Variants in UNC13C observed in about 807,000 individuals in gnomAD.
The protein encoded by UNC13C is protein unc-13 homolog C.
A neutral mutation model predicts 245.4 loss-of-function variants in UNC13C; 174 were observed. The observed-to-expected ratio is 0.71, with a 90% CI of 0.63 to 0.80. The LOEUF is 0.80. Among genes scored for constraint, UNC13C ranks in the 30% least tolerant of loss-of-function variants. UNC13C has a pLI of 0.00. For synonymous variants in UNC13C, 992 were observed against 895.1 expected (o/e 1.11, Z -1.93); for missense variants, 2,829 against 2,602.9 (o/e 1.09, Z -1.89).
the UNC13C span, among the ~76,000 whole-genome samples, chr15:53,889,205 T>C: frequency 1.3e-5 from 2 of 152,222 alleles, no homozygotes; most frequent in Non-Finnish European, 2.9e-5. Context: ...TTTCCATTTG[T>C]TTGTGTCCTC....
intron 2 of UNC13C, among the ~76,000 whole-genome samples, chr15:54,104,374 T>C (rs1462959650): frequency 6.6e-6 from 1 of 152,192 alleles, no homozygotes; most frequent in Non-Finnish European, 1.5e-5. Context: ...TTGTCTATGC[T>C]AACTTAAAAA....
In UNC13C at chr15:54,393,189, CAAT is replaced by C; in HGVS notation, c.4847+9_4847+11del. The stretch of plus-strand genomic sequence containing the variant: ...CACACCTGTCCTGAATCAGTAAGTA[CAAT>C]GTTTTGGAAATGAATGGATTTTATT... On this transcript the variant is annotated intron_variant, in intron 18 of 32. Transcript: ENST00000260323. The C allele has an allele frequency of 1.9e-6, 3 of 1,539,856 alleles. No homozygotes were observed. In the South Asian group the frequency reaches 3.8e-5, roughly 20 times the overall value.
chr15:54,387,424 CT>C (rs2039862532), intron 17 of UNC13C, among the ~76,000 whole-genome samples: 1 of 152,080 alleles, frequency 6.6e-6, no homozygotes, highest in African/African-American at 2.4e-5. Flanking sequence ...TGGGAGTGTC[CT>C]TCAGCATGTT....
At chr15:54,040,241 C>T (rs1896755287) in intron 2 of UNC13C, among the ~76,000 whole-genome samples, 1 of 152,030 alleles carries the variant, frequency 6.6e-6, no homozygotes, top group Non-Finnish European at 1.5e-5. Flanking sequence ...AAAGGTGATG[C>T]CAAATTAAAA....
chr15:54,124,958 T>C (rs2030935265), intron 2 of UNC13C, among the ~76,000 whole-genome samples: 1 of 152,214 alleles, frequency 6.6e-6, no homozygotes, highest in South Asian at 2.1e-4. Context: ...AATGTGTGGG[T>C]CTTTTTCTGG....
At chr15:54,080,311 G>C (rs1001261206) in intron 2 of UNC13C, among the ~76,000 whole-genome samples, 1 of 151,864 alleles carries the variant, frequency 6.6e-6, no homozygotes, top group Non-Finnish European at 1.5e-5. Context: ...TCACATTTTG[G>C]TATCAGGATG....
upstream of UNC13C, chr15:53,975,008 T>A (rs1232722633): frequency 6.6e-6 from 1 of 152,200 alleles, no homozygotes; most frequent in East Asian, 1.9e-4. Flanking sequence ...CCACGTGGAC[T>A]TCCCCCTAGG....
chr15:53,906,835 C>T, the UNC13C span, among the ~76,000 whole-genome samples: 109 of 152,156 alleles, frequency 7.2e-4, no homozygotes, highest in African/African-American at 2.4e-3. Context: ...TGGTGGAAGG[C>T]GAAGGGGAAG....
chr15:54,286,062 G>A (rs1037689008), intron 10 of UNC13C, among the ~76,000 whole-genome samples: 7 of 151,994 alleles, frequency 4.6e-5, no homozygotes, highest in African/African-American at 1.7e-4. Context: ...TGTATTCTAA[G>A]TAGAGACAGG....
At chr15:54,487,943 C>T (rs1596467902) in intron 19 of UNC13C, among the ~76,000 whole-genome samples, 1 of 151,946 alleles carries the variant, frequency 6.6e-6, no homozygotes, top group Admixed American at 6.6e-5. Context: ...ATTTTTATTA[C>T]TCTAACCTTT....
At chr15:54,239,791 A>T (rs966700075) in intron 7 of UNC13C, among the ~76,000 whole-genome samples, 1 of 152,134 alleles carries the variant, frequency 6.6e-6, no homozygotes, top group Non-Finnish European at 1.5e-5. Flanking sequence ...ATGCCATGTA[A>T]TATTTTGAGT....
At chr15:54,029,723 T>G (rs553339464) in intron 2 of UNC13C, among the ~76,000 whole-genome samples, 26 of 152,320 alleles carry the variant, frequency 1.7e-4, no homozygotes, top group African/African-American at 6.0e-4. Context: ...TTGCATGCAT[T>G]TTCCCACTTA....
intron 17 of UNC13C, among the ~76,000 whole-genome samples, chr15:54,379,437 T>C (rs2039674119): frequency 6.6e-6 from 1 of 152,186 alleles, no homozygotes. Flanking sequence ...CTCTTGTTTC[T>C]AAAAAGCAAG....
At chr15:54,236,381 T>C in intron 5 of UNC13C, 49 bp from the exon 6 acceptor site, 1 of 1,465,802 alleles carries the variant, frequency 6.8e-7, no homozygotes, top group Non-Finnish European at 9.4e-7. Flanking sequence ...CTACCTTTCA[T>C]GTATCTAATT....
Position 54,602,710 on chromosome 15 carries a change from A to G in UNC13C, c.6107-19617A>G, listed in dbSNP as rs573567779. 1.1e-4 allele frequency among the ~76,000 whole-genome samples: 16 copies of G among 152,256 alleles called. No homozygotes were observed. The East Asian group carries it at 3.1e-3, about 29-fold the overall frequency. ...AAGAAAACTTTGCCAGTCACCCCAG[A>G]AGTTCCTCCATACGTCTCATCAGTC... On this transcript the variant is annotated intron_variant, in intron 30 of 32. Transcript: ENST00000260323.
intron 2 of UNC13C, among the ~76,000 whole-genome samples, chr15:54,116,609 TATTC>T (rs2030267130): frequency 1.3e-5 from 2 of 152,226 alleles, no homozygotes; most frequent in Admixed American, 6.5e-5. Context: ...AACAATATTT[TATTC>T]ATTTTCATGA....
intron 4 of UNC13C, among the ~76,000 whole-genome samples, chr15:54,213,290 T>C (rs1395203229): frequency 6.6e-6 from 1 of 152,030 alleles, no homozygotes; most frequent in Non-Finnish European, 1.5e-5. Flanking sequence ...ATTAATTTCA[T>C]TACTTATTTA....
the UNC13C span, among the ~76,000 whole-genome samples, chr15:53,869,986 C>T: frequency 1.3e-5 from 2 of 152,190 alleles, no homozygotes; most frequent in African/African-American, 4.8e-5. Context: ...AGCCATAACA[C>T]TGTCCTAAGA....
At chr15:54,241,176 A>T (rs2035841558) in intron 7 of UNC13C, among the ~76,000 whole-genome samples, 1 of 152,146 alleles carries the variant, frequency 6.6e-6, no homozygotes, top group Admixed American at 6.5e-5. Flanking sequence ...CATAAGAGGG[A>T]TCCTAGAGCC....
Sources: allele counts gnomAD v4.1 joint callset (sites outside exome capture counted in the v4.1 genomes callset), GRCh38; gene constraint gnomAD v4.1.1; transcripts MANE v1.5; gene names NCBI Gene and HGNC (gene_info 2026-07-23, HGNC 2026-07-21).